Variants in CNTN4 observed in about 807,000 individuals in gnomAD.
CNTN4 encodes contactin 4.
CNTN4 carries 77 observed loss-of-function variants against 122.5 expected under a neutral mutation model. The ratio of observed to expected loss-of-function variants is 0.63; its 90% CI spans 0.52 to 0.76. The LOEUF is 0.76. Ranked by LOEUF, CNTN4 falls within the 30% of genes least tolerant of loss-of-function variation. CNTN4 has a pLI of 0.00. For synonymous variants in CNTN4, 512 were observed against 447.0 expected (o/e 1.15, Z -1.83); for missense variants, 1,256 against 1,259.1 (o/e 1.00, Z 0.04).
At chr3:2,740,591 G>C (rs1294691034) in intron 5 of CNTN4, among the ~76,000 whole-genome samples, 2 of 152,004 alleles carry the variant, frequency 1.3e-5, no homozygotes, top group African/African-American at 4.8e-5. Flanking sequence ...ATCTTCATTG[G>C]CTTATGATTT....
At chr3:2,377,811 G>A (rs954056690) in intron 3 of CNTN4, among the ~76,000 whole-genome samples, 2 of 151,088 alleles carry the variant, frequency 1.3e-5, no homozygotes, top group African/African-American at 4.9e-5. Context: ...GTTAGTGTTA[G>A]TGTATTTTAT....
intron 2 of CNTN4, among the ~76,000 whole-genome samples, chr3:2,225,568 C>T (rs1376898039): frequency 6.6e-6 from 1 of 152,070 alleles, no homozygotes; most frequent in Non-Finnish European, 1.5e-5. Flanking sequence ...AGGTCCTTTC[C>T]CTTCATCTTT....
chr3:2,178,864 A>G (rs921058066), intron 2 of CNTN4, among the ~76,000 whole-genome samples: 1 of 152,088 alleles, frequency 6.6e-6, no homozygotes, highest in Non-Finnish European at 1.5e-5. Flanking sequence ...TGATTGGTAG[A>G]CTAACCCAAA....
chr3:2,240,094 G>A (rs2039872142), intron 2 of CNTN4, among the ~76,000 whole-genome samples: 1 of 152,140 alleles, frequency 6.6e-6, no homozygotes, highest in South Asian at 2.1e-4. Context: ...ATGAAAGAGT[G>A]TTATCTAAGA....
intron 6 of CNTN4, among the ~76,000 whole-genome samples, chr3:2,772,023 T>C (rs140660980): frequency 0.013 from 1,934 of 152,254 alleles, 40 homozygotes; most frequent in African/African-American, 0.043. Flanking sequence ...TTGTCAAATA[T>C]GAACTGGAGA....
chr3:2,101,450 C>G (rs922152691), intron 2 of CNTN4, among the ~76,000 whole-genome samples: 1 of 152,154 alleles, frequency 6.6e-6, no homozygotes, highest in African/African-American at 2.4e-5. Context: ...TTCAATCTCT[C>G]TTATCTTAAA....
At chr3:2,376,837 C>A (rs1442356540) in intron 3 of CNTN4, among the ~76,000 whole-genome samples, 1 of 152,138 alleles carries the variant, frequency 6.6e-6, no homozygotes, top group East Asian at 1.9e-4. Flanking sequence ...AGTGTTAAGG[C>A]ACCAGCTGAA....
chr3:2,802,923 G>A (rs1335346159), intron 6 of CNTN4, among the ~76,000 whole-genome samples: 1 of 152,160 alleles, frequency 6.6e-6, no homozygotes, highest in East Asian at 1.9e-4. Flanking sequence ...AGTTTCTTAA[G>A]TAAGAAATTA....
chr3:2,975,340 C>T (rs922999700), intron 13 of CNTN4, among the ~76,000 whole-genome samples: 4 of 152,148 alleles, frequency 2.6e-5, no homozygotes, highest in Non-Finnish European at 5.9e-5. Flanking sequence ...AGGAAGGGTA[C>T]AGGCTCTCTA....
chr3:2,672,154 C>T (rs2084559548), intron 4 of CNTN4, among the ~76,000 whole-genome samples: 1 of 152,194 alleles, frequency 6.6e-6, no homozygotes, highest in South Asian at 2.1e-4. Flanking sequence ...CAGACAGGGA[C>T]ATTTAAGTCT....
At position 2,109,218 on chromosome 3, in the gene CNTN4, T is replaced by G. The variant is rs561827226; in HGVS notation, c.-145+8579T>G. Reference sequence around the variant, plus strand: ...TTTAGGCAAGGTCAGTATTGGTGCATAACCCCTAAGTACATATTTTCATTA... The same window carrying G: ...TTTAGGCAAGGTCAGTATTGGTGCAGAACCCCTAAGTACATATTTTCATTA... On this transcript the variant is annotated intron_variant, in intron 2 of 24. Coordinates refer to ENST00000418658, the MANE Select transcript of CNTN4 (RefSeq NM_175607.3). Among the ~76,000 whole-genome samples the G allele has an allele frequency of 9.2e-5, 14 of 152,312 alleles. 1 individual carries two copies. The South Asian group carries it at 2.7e-3, about 29-fold the overall frequency.
chr3:2,328,249 C>CA (rs570430041), intron 2 of CNTN4, among the ~76,000 whole-genome samples: 2 of 151,352 alleles, frequency 1.3e-5, no homozygotes, highest in South Asian at 2.1e-4. Context: ...ACTAAAAATA[C>CA]AAAAAAATTA....
intron 20 of CNTN4, among the ~76,000 whole-genome samples, chr3:3,041,917 C>T (rs922771896): frequency 1.3e-5 from 2 of 152,122 alleles, no homozygotes; most frequent in African/African-American, 4.8e-5. Flanking sequence ...CATGATTGTG[C>T]CACTACATTC....
intron 2 of CNTN4, among the ~76,000 whole-genome samples, chr3:2,126,635 T>G (rs1487811589): frequency 6.6e-6 from 1 of 152,132 alleles, no homozygotes; most frequent in African/African-American, 2.4e-5. Context: ...GAATGGTAAT[T>G]TAAGGTAATT....
chr3:3,042,357 A>G lies in CNTN4; in HGVS notation c.2446A>G (p.Thr816Ala). 1.2e-6 allele frequency: 2 copies of G among 1,614,194 alleles called. No homozygotes were observed. The highest frequency in any genetic ancestry group is 1.7e-6 in the Non-Finnish European group (2 of 1,180,010). Residue 816 changes from threonine (T) to alanine (A), a missense_variant, in exon 21 of 25, where the codon ACA (threonine) becomes GCA (alanine). Physicochemically the swap from Thr to Ala is moderately conservative, Grantham distance 58 (BLOSUM62 0). Coordinates refer to ENST00000418658, the MANE Select transcript of CNTN4 (RefSeq NM_175607.3). ...ASIFARSLSA[T>A]DIEVFWASPL... is the part of the protein sequence containing the mutation. ...TATCTTTGCCAGAAGTCTTTCTGCC[A>G]CAGATATTGAAGTTTTCTGGGCCTC... is the stretch of plus-strand genomic sequence containing the variant.
chr3:2,162,977 G>C (rs1304509868), intron 2 of CNTN4, among the ~76,000 whole-genome samples: 1 of 152,118 alleles, frequency 6.6e-6, no homozygotes, highest in Non-Finnish European at 1.5e-5. Flanking sequence ...CACACGTGTA[G>C]TCACAGCTAC....
intron 12 of CNTN4, among the ~76,000 whole-genome samples, chr3:2,905,679 A>C (rs1379677034): frequency 1.3e-5 from 2 of 152,250 alleles, no homozygotes; most frequent in South Asian, 4.1e-4. Context: ...ACCATGTTTC[A>C]CATAAGAACA....
chr3:2,476,337 AT>A (rs554134560), intron 3 of CNTN4, among the ~76,000 whole-genome samples: 2 of 152,156 alleles, frequency 1.3e-5, no homozygotes, highest in South Asian at 4.1e-4. Flanking sequence ...TCTTGAGTAC[AT>A]TTTTGTTTCT....
chr3:2,679,918 T>C (rs1443522226), intron 4 of CNTN4, among the ~76,000 whole-genome samples: 1 of 152,264 alleles, frequency 6.6e-6, no homozygotes, highest in Non-Finnish European at 1.5e-5. Flanking sequence ...TTGCTTATCA[T>C]TTATTTGTCA....
Sources: gnomAD v4.1 joint callset for allele counts (sites outside exome capture counted in the v4.1 genomes callset) on GRCh38, gnomAD v4.1.1 for gene constraint, MANE v1.5 for transcripts, NCBI Gene and HGNC (gene_info 2026-07-23, HGNC 2026-07-21) for gene names.